The following THADA variants were observed in gnomAD, a reference collection of about 807,000 sequenced individuals.
THADA encodes the protein tRNA (32-2'-O)-methyltransferase regulator THADA.
THADA carries 213 observed loss-of-function variants against 219.8 expected under a neutral mutation model. The observed-to-expected ratio is 0.97, with a 90% CI of 0.87 to 1.09. THADA has a LOEUF of 1.09. Among genes scored for constraint, THADA ranks in the 50% least tolerant of loss-of-function variants. The pLI is 0.00. For missense variants in THADA, 2,956 were observed against 2,311.3 expected (o/e 1.28, Z -5.72); for synonymous variants, 1,018 against 828.9 (o/e 1.23, Z -3.92).
intron 21 of THADA, among the ~76,000 whole-genome samples, chr2:43,531,718 T>C (rs1239223126): frequency 2.6e-5 from 4 of 152,128 alleles, no homozygotes; most frequent in Admixed American, 6.5e-5. Context: ...CTCTGAAAAC[T>C]CCAACTCAAT....
intron 31 of THADA, among the ~76,000 whole-genome samples, chr2:43,313,653 C>T (rs1677758479): frequency 1.3e-5 from 2 of 152,216 alleles, no homozygotes; most frequent in African/African-American, 2.4e-5. Flanking sequence ...CACACACCCT[C>T]AGGATGGGAA....
intron 26 of THADA, among the ~76,000 whole-genome samples, chr2:43,461,922 G>A (rs1466519940): frequency 6.6e-6 from 1 of 152,144 alleles, no homozygotes; most frequent in African/African-American, 2.4e-5. Context: ...AGTTTGCACT[G>A]GCTCCAGGCA....
At chr2:43,568,031 G>T (rs998960781) in intron 14 of THADA, among the ~76,000 whole-genome samples, 10 of 151,842 alleles carry the variant, frequency 6.6e-5, no homozygotes, top group African/African-American at 1.7e-4. Flanking sequence ...TACTGGGGGT[G>T]GGGGGGAGAA....
At chr2:43,569,630 C>G (rs1699078716) in intron 14 of THADA, among the ~76,000 whole-genome samples, 1 of 152,154 alleles carries the variant, frequency 6.6e-6, no homozygotes, top group Non-Finnish European at 1.5e-5. Context: ...AAACCAAGGG[C>G]ATCCATAATA....
At chr2:43,476,710 G>A (rs903309209) in intron 26 of THADA, among the ~76,000 whole-genome samples, 2 of 152,028 alleles carry the variant, frequency 1.3e-5, no homozygotes, top group South Asian at 2.1e-4. Context: ...TCTCCCTGTC[G>A]GCACTCTTCA....
At chr2:43,425,466 G>A (rs1342958894) in intron 28 of THADA, among the ~76,000 whole-genome samples, 3 of 151,356 alleles carry the variant, frequency 2.0e-5, no homozygotes, top group African/African-American at 7.3e-5. Context: ...GTGTGTGTGT[G>A]TGTGTGTGTG....
At chr2:43,492,046 C>A (rs1169374777) in intron 25 of THADA, 1 of 152,256 alleles carries the variant, frequency 6.6e-6, no homozygotes, top group East Asian at 1.9e-4. Flanking sequence ...GGTGCAGTAG[C>A]TTACACCTGT....
chr2:43,297,112 G>A (rs1198412927), intron 31 of THADA, among the ~76,000 whole-genome samples: 47 of 95,614 alleles, frequency 4.9e-4, no homozygotes, highest in African/African-American at 2.1e-3. Flanking sequence ...CTTCCCAGCC[G>A]CCATCACATC....
intron 23 of THADA, among the ~76,000 whole-genome samples, chr2:43,508,083 T>A (rs1166336901): frequency 6.6e-6 from 1 of 152,038 alleles, no homozygotes; most frequent in Non-Finnish European, 1.5e-5. Flanking sequence ...GGTAAGTCAC[T>A]TAACGTACCT....
chr2:43,305,991 G>C (rs1395870667), intron 31 of THADA, among the ~76,000 whole-genome samples: 3 of 104,834 alleles, frequency 2.9e-5, no homozygotes, highest in Admixed American at 1.6e-4. Flanking sequence ...CTCTCTCTCT[G>C]TCTTTCTTTT....
At chr2:43,581,614 G>A in intron 8 of THADA, 127 bp downstream of exon 8, 1 of 776,472 alleles carries the variant, frequency 1.3e-6, no homozygotes, top group Non-Finnish European at 2.0e-6. Flanking sequence ...TTTTTGAGAG[G>A]CTGAGTAAGG....
chr2:43,500,050 A>G (rs987365691), intron 24 of THADA, among the ~76,000 whole-genome samples: 7 of 152,138 alleles, frequency 4.6e-5, no homozygotes, highest in Non-Finnish European at 1.0e-4. Context: ...GAAGAGAAAT[A>G]AGGCACAAAT....
chr2:43,578,166 T>C (rs549259521), intron 9 of THADA, among the ~76,000 whole-genome samples: 1 of 152,096 alleles, frequency 6.6e-6, no homozygotes, highest in East Asian at 1.9e-4. Context: ...TTTTTTTTTT[T>C]TTAAGAGACA....
At chr2:43,367,350 A>T (rs11124930) in intron 29 of THADA, among the ~76,000 whole-genome samples, 100,035 of 151,824 alleles carry the variant, frequency 0.66, 33,962 homozygotes, top group African/African-American at 0.77. Context: ...TTTTAAAAAA[A>T]TTTAATTAAA....
intron 7 of THADA, among the ~76,000 whole-genome samples, chr2:43,583,672 C>A (rs528054110): frequency 1.3e-5 from 2 of 152,102 alleles, no homozygotes; most frequent in Admixed American, 1.3e-4. Flanking sequence ...AATTGTCCAT[C>A]GACAGATTGA....
intron 35 of THADA, among the ~76,000 whole-genome samples, chr2:43,283,096 G>A (rs1673557002): frequency 6.6e-6 from 1 of 152,134 alleles, no homozygotes; most frequent in African/African-American, 2.4e-5. Flanking sequence ...AAAAGTGTGT[G>A]GCACTTCTCC....
intron 26 of THADA, among the ~76,000 whole-genome samples, chr2:43,446,438 T>A (rs1020033565): frequency 2.6e-5 from 4 of 152,172 alleles, no homozygotes; most frequent in African/African-American, 9.6e-5. Flanking sequence ...CCTCTTGAAG[T>A]CCTGACTACC....
intron 29 of THADA, among the ~76,000 whole-genome samples, chr2:43,361,184 C>T (rs1454803994): frequency 1.3e-5 from 2 of 152,166 alleles, no homozygotes; most frequent in Non-Finnish European, 2.9e-5. Context: ...GTGAGAAACC[C>T]TGGCCTACTA....
chr2:43,433,981 G>A (rs556817458), intron 26 of THADA, among the ~76,000 whole-genome samples: 5 of 152,312 alleles, frequency 3.3e-5, no homozygotes, highest in South Asian at 4.1e-4. Context: ...GAGCCACTGC[G>A]CTCAGCCCTG....
Sources: allele counts gnomAD v4.1 joint callset (sites outside exome capture counted in the v4.1 genomes callset), GRCh38; gene constraint gnomAD v4.1.1; transcripts MANE v1.5; gene names NCBI Gene and HGNC (gene_info 2026-07-23, HGNC 2026-07-21).